PEX14: variants seen among roughly 807,000 people sequenced by gnomAD.
The protein encoded by PEX14 is peroxisomal biogenesis factor 14, also known as peroxisomal membrane protein PEX14.
Under a neutral mutation model 49.5 loss-of-function variants are expected in PEX14, and 15 were observed. The ratio of observed to expected loss-of-function variants is 0.30; its 90% CI spans 0.20 to 0.47. PEX14 has a LOEUF of 0.47. Among genes scored for constraint, PEX14 ranks in the 20% least tolerant of loss-of-function variants. PEX14 has a pLI of 1.00. For missense variants in PEX14, 398 were observed against 494.8 expected (o/e 0.80, Z 1.86); for synonymous variants, 210 against 212.7 (o/e 0.99, Z 0.11).
chr1:10,491,013 T>A (rs1260706348), intron 1 of PEX14, among the ~76,000 whole-genome samples: 2 of 151,464 alleles, frequency 1.3e-5, no homozygotes, highest in South Asian at 2.1e-4. Flanking sequence ...TTTTTTTTTT[T>A]AATCATGGAC....
chr1:10,611,695 A>T (rs1407200026), intron 4 of PEX14, among the ~76,000 whole-genome samples: 13 of 152,240 alleles, frequency 8.5e-5, no homozygotes, highest in Admixed American at 8.5e-4. Context: ...TATGTAATGG[A>T]ACCTTATTGT....
chr1:10,568,018 T>TA (rs1192390182), intron 3 of PEX14, among the ~76,000 whole-genome samples: 1 of 152,240 alleles, frequency 6.6e-6, no homozygotes, highest in Non-Finnish European at 1.5e-5. Flanking sequence ...AGTTTTTACA[T>TA]ACTGATTTTG....
At chr1:10,535,656 T>C (rs1057066381) in intron 2 of PEX14, among the ~76,000 whole-genome samples, 1 of 152,158 alleles carries the variant, frequency 6.6e-6, no homozygotes, top group African/African-American at 2.4e-5. Flanking sequence ...TTCAATTATA[T>C]GGTACACAGT....
Position 10,629,623 on chromosome 1 carries a change from A to C in PEX14, c.770A>C (p.Asn257Thr). ...SPSPSSPAAV[N>T]HHSSSDISPV... ...TCACCCTCCAGCCCTGCGGCCGTGAACCACCACAGCAGCAGCGACATCTCA... is the reference window on the plus strand; with the variant it reads ...TCACCCTCCAGCCCTGCGGCCGTGACCCACCACAGCAGCAGCGACATCTCA... Residue 257 changes from asparagine to threonine, a missense_variant, in exon 9 of 9, where the codon AAC becomes ACC. Physicochemically the swap from Asn to Thr is moderately conservative, Grantham distance 65. This residue lies in a region of PEX14 where 202 missense variants were observed against 298.5 expected (regional missense o/e 0.68). Coordinates refer to ENST00000356607, the MANE Select transcript of PEX14 (RefSeq NM_004565.3). The surrounding 1 kb of genome is among the most constrained non-coding windows in gnomAD (Gnocchi z 8.5). 6.2e-7 allele frequency: 1 copy of C among 1,613,578 alleles called. No individual in the cohort carries two copies. Among genetic ancestry groups the C allele is most frequent in the South Asian group, 1.1e-5 (1 of 91,058 alleles).
rs375013441 is a variant in PEX14, at chr1:10,605,607, A to G, written c.298+6241A>G. Among the ~76,000 whole-genome samples, 6 of 152,208 alleles carry G rather than the reference A, an allele frequency of 3.9e-5. No individual in the cohort carries two copies. In the South Asian group the frequency reaches 8.3e-4, roughly 21 times the overall value. ...CCGGGGCCAGGGTGGCCTGTGCGTA[A>G]GTGATACTGAGGTGACAGTAAACAG... On this transcript the variant is annotated intron_variant, in intron 4 of 8. Transcript: ENST00000356607.
chr1:10,582,157 ATGAGTTT>A (rs1640339629), intron 3 of PEX14, among the ~76,000 whole-genome samples: 2 of 152,124 alleles, frequency 1.3e-5, no homozygotes, highest in Admixed American at 1.3e-4. Flanking sequence ...GACAGTGATA[ATGAGTTT>A]TATGATAAAC....
intron 3 of PEX14, among the ~76,000 whole-genome samples, chr1:10,586,674 C>T (rs1640501745): frequency 8.6e-6 from 1 of 116,490 alleles, no homozygotes; most frequent in South Asian, 3.1e-4. Context: ...GAGTCTCGCT[C>T]TGTTGCCCAG....
chr1:10,623,175 C>T lies in PEX14; in HGVS notation c.487+54C>T. ...CCCTCACAGCCTTCTCCAAGCAGCC[C>T]CTTCTCTGCCCCTCCCCTCTCCCTC... On this transcript the variant is annotated intron_variant, in intron 6 of 8. Coordinates refer to ENST00000356607, the MANE Select transcript of PEX14 (RefSeq NM_004565.3). This position sits in a 1 kb window ranked among gnomAD's most constrained non-coding sequence, Gnocchi z 4.4. 3 of 1,117,334 alleles carry T rather than the reference C, an allele frequency of 2.7e-6. No individual in the cohort carries two copies. The highest frequency in any genetic ancestry group is 1.5e-5 in the African/African-American group (1 of 65,634). 69.2% of individuals were successfully genotyped at this position (1,117,334 alleles called of 1,614,324 possible).
At chr1:10,568,331 C>T (rs1369205216) in intron 3 of PEX14, among the ~76,000 whole-genome samples, 1 of 141,090 alleles carries the variant, frequency 7.1e-6, no homozygotes, top group Non-Finnish European at 1.5e-5. Context: ...CTTCCCCCCC[C>T]CCCCCCCACT....
At chr1:10,590,146 G>T (rs1168983134) in intron 3 of PEX14, among the ~76,000 whole-genome samples, 1 of 152,132 alleles carries the variant, frequency 6.6e-6, no homozygotes, top group Non-Finnish European at 1.5e-5. Flanking sequence ...CTGTAAATGG[G>T]GAGAATCAAG....
At chr1:10,618,084 C>G (rs1458116431) in intron 4 of PEX14, among the ~76,000 whole-genome samples, 1 of 152,232 alleles carries the variant, frequency 6.6e-6, no homozygotes, top group Admixed American at 6.5e-5. Flanking sequence ...TGCTAGATAC[C>G]TCCACCCACA....
At chr1:10,499,640 G>T (rs1157544336) in intron 2 of PEX14, among the ~76,000 whole-genome samples, 1 of 151,758 alleles carries the variant, frequency 6.6e-6, no homozygotes, top group Non-Finnish European at 1.5e-5. Flanking sequence ...GTGGAGACAG[G>T]GTTTCACCAT....
chr1:10,534,598 G>A (rs974835615), intron 2 of PEX14, among the ~76,000 whole-genome samples: 2 of 151,928 alleles, frequency 1.3e-5, no homozygotes, highest in African/African-American at 4.8e-5. Flanking sequence ...TGCCGTTTGG[G>A]GTCTCTAGAA....
intron 2 of PEX14, chr1:10,535,821 T>G: frequency 2.9e-6 from 1 of 350,330 alleles, no homozygotes; most frequent in Non-Finnish European, 5.6e-6. Flanking sequence ...GGGGTAACGT[T>G]TAGACAGGTG....
At chr1:10,558,736 CAAAA>C (rs34343338) in intron 3 of PEX14, among the ~76,000 whole-genome samples, 7 of 113,428 alleles carry the variant, frequency 6.2e-5, no homozygotes, top group Non-Finnish European at 9.6e-5. Context: ...GACCCTGTCT[CAAAA>C]AAAAAAAAAA....
At chr1:10,596,295 G>T (rs1173895735) in intron 3 of PEX14, among the ~76,000 whole-genome samples, 1 of 152,188 alleles carries the variant, frequency 6.6e-6, no homozygotes, top group Admixed American at 6.5e-5. Flanking sequence ...ACTTGATTTC[G>T]GGTTAGAATA....
At chr1:10,589,601 G>A (rs1640600471) in intron 3 of PEX14, among the ~76,000 whole-genome samples, 1 of 151,864 alleles carries the variant, frequency 6.6e-6, no homozygotes, top group Admixed American at 6.6e-5. Flanking sequence ...TTGTAGAGAT[G>A]GGGGTCTCAC....
chr1:10,623,786 C>T lies in PEX14; in HGVS notation c.488-554C>T, dbSNP rs776957042. 6.6e-6 allele frequency among the ~76,000 whole-genome samples: 1 copy of T among 152,218 alleles called. No individual in the cohort carries two copies. ...CCCTCTGACACGTCCATCCTGCTGC[C>T]GTTTGCTCCTGCGAGGCTGACATTG... On this transcript the variant is annotated intron_variant, in intron 6 of 8. Transcript: ENST00000356607. The surrounding 1 kb of genome is among the most constrained non-coding windows in gnomAD (Gnocchi z 4.4).
rs79157619 is a variant in PEX14 at position 10,553,854 on chromosome 1, A to G, written c.169+17557A>G. Among the ~76,000 whole-genome samples the G allele has an allele frequency of 8.3e-4, 127 of 152,178 alleles. 1 individual carries two copies. The highest frequency in any genetic ancestry group is 2.9e-3 in the African/African-American group (119 of 41,520). On this transcript the variant is annotated intron_variant, in intron 3 of 8. Coordinates refer to ENST00000356607, the MANE Select transcript of PEX14 (RefSeq NM_004565.3). ...CTTGTGACAGTCAACCTGTTTGCTG[A>G]TCTGGCCTCGGCAATTTTCAGGGCT...
Sources: gnomAD v4.1 joint callset for allele counts (sites outside exome capture counted in the v4.1 genomes callset) on GRCh38, gnomAD v4.1.1 for gene constraint, gnomAD v4.1.1 regional missense constraint, Gnocchi (gnomAD v3.1) non-coding constraint, MANE v1.5 for transcripts, NCBI Gene and HGNC (gene_info 2026-07-23, HGNC 2026-07-21) for gene names.